PCDHA11: variants seen among roughly 807,000 people sequenced by gnomAD.
PCDHA11 encodes the protein protocadherin alpha-11.
A neutral mutation model predicts 70.3 loss-of-function variants in PCDHA11; 61 were observed. The ratio of observed to expected loss-of-function variants is 0.87; its 90% CI spans 0.71 to 1.07. The LOEUF is 1.07. PCDHA11 is among the 50% of genes least tolerant of loss of function. The pLI is 0.00. For synonymous variants in PCDHA11, 633 were observed against 555.1 expected (o/e 1.14, Z -1.97); for missense variants, 1,324 against 1,237.5 (o/e 1.07, Z -1.05).
At chr5:140,928,143 C>T (rs983552748) in intron 1 of PCDHA11, 2 of 1,614,228 alleles carry the variant, frequency 1.2e-6, no homozygotes, top group Middle Eastern at 1.6e-4. Context: ...TGATCACGGC[C>T]TCAGATAGTG....
chr5:141,008,430 GC>G (rs1252417058), intron 3 of PCDHA11, among the ~76,000 whole-genome samples: 2 of 152,260 alleles, frequency 1.3e-5, no homozygotes, highest in African/African-American at 4.8e-5. Context: ...GGATCACTTT[GC>G]CCAGACAGAC....
At chr5:140,874,757 C>T (rs984706003) in intron 1 of PCDHA11, among the ~76,000 whole-genome samples, 6 of 152,190 alleles carry the variant, frequency 3.9e-5, no homozygotes, top group Non-Finnish European at 8.8e-5. Context: ...CAAACAATAA[C>T]GCTCTCCATA....
intron 1 of PCDHA11, among the ~76,000 whole-genome samples, chr5:140,922,406 G>C (rs1411149387): frequency 9.8e-5 from 15 of 152,288 alleles, no homozygotes; most frequent in African/African-American, 3.6e-4. Flanking sequence ...GGATTAAAAA[G>C]ATCTAGGTAC....
intron 1 of PCDHA11, among the ~76,000 whole-genome samples, chr5:140,878,373 T>G (rs944129613): frequency 2.2e-4 from 34 of 152,258 alleles, no homozygotes; most frequent in African/African-American, 8.0e-4. Flanking sequence ...TGACATATGA[T>G]GAATGATTTT....
At chr5:140,973,980 A>G (rs1554235707) in intron 1 of PCDHA11, among the ~76,000 whole-genome samples, 1 of 152,248 alleles carries the variant, frequency 6.6e-6, no homozygotes, top group African/African-American at 2.4e-5. Flanking sequence ...TGGCTTTTAC[A>G]GAACTTCACC....
rs1464705038 is a variant in PCDHA11 at position 140,883,214 on chromosome 5, T to C, written c.2391+11720T>C. 4.3e-6 allele frequency: 7 copies of C among 1,613,892 alleles called. No individual in the cohort carries two copies. The highest frequency in any genetic ancestry group is 5.9e-6 in the Non-Finnish European group (7 of 1,180,024). The stretch of plus-strand genomic sequence containing the variant: ...ACTAGATTTCGAAGAAAAGAAATTA[T>C]ATGAAATATCCGTGGAGGCAGTTGA... On this transcript the variant is annotated intron_variant, in intron 1 of 3. Coordinates refer to ENST00000398640, the MANE Select transcript of PCDHA11 (RefSeq NM_018902.5).
intron 1 of PCDHA11, chr5:140,875,490 A>G: frequency 6.2e-7 from 1 of 1,612,864 alleles, no homozygotes; most frequent in Non-Finnish European, 8.5e-7. Context: ...TTATCGGACC[A>G]AGAGGCCCGG....
At chr5:140,927,054 C>CT in intron 1 of PCDHA11, 1 of 1,611,076 alleles carries the variant, frequency 6.2e-7, no homozygotes, top group African/African-American at 1.3e-5. Context: ...CCTCGCGGAA[C>CT]TTTCGCTTCC....
In PCDHA11 at chr5:140,875,591, A is replaced by G. The variant is rs1438500941; in HGVS notation, c.2391+4097A>G. ...CACTACTCCGTCTACGAGGAGGCCAAACACGGCACCTTCGTGGGCCGCATC... is the reference window on the plus strand; with the variant it reads ...CACTACTCCGTCTACGAGGAGGCCAGACACGGCACCTTCGTGGGCCGCATC... On this transcript the variant is annotated intron_variant, in intron 1 of 3. Coordinates refer to ENST00000398640, the MANE Select transcript of PCDHA11 (RefSeq NM_018902.5). The G allele has an allele frequency of 9.3e-6, 15 of 1,613,878 alleles. No homozygotes were observed. The highest frequency in any genetic ancestry group is 1.7e-5 in the Admixed American group (1 of 60,004).
At chr5:140,872,957 C>T (rs2054004795) in intron 1 of PCDHA11, among the ~76,000 whole-genome samples, 1 of 152,138 alleles carries the variant, frequency 6.6e-6, no homozygotes, top group African/African-American at 2.4e-5. Flanking sequence ...CACGTAGTAT[C>T]ATCCCATCTG....
chr5:140,980,575 A>C (rs901433332), intron 2 of PCDHA11, among the ~76,000 whole-genome samples: 3 of 152,296 alleles, frequency 2.0e-5, no homozygotes, highest in Admixed American at 1.3e-4. Context: ...AGTTGCAGTG[A>C]GCCAAGATCG....
In PCDHA11 at chr5:141,005,701, CAAAAAAAA is replaced by C. The variant is rs59860837; in HGVS notation, c.2540-3903_2540-3896del. Among the ~76,000 whole-genome samples, 45 of 7,788 alleles carry C rather than the reference CAAAAAAAA, an allele frequency of 5.8e-3. No individual in the cohort carries two copies. In the East Asian group the frequency reaches 0.064, roughly 11 times the overall value. 5.1% of individuals were successfully genotyped at this position (7,788 alleles called of 152,430 possible). A position where few individuals can be genotyped will look rare whatever the true frequency, so the allele number is the denominator to read the frequency against. On this transcript the variant is annotated intron_variant, in intron 3 of 3. Coordinates refer to ENST00000398640, the MANE Select transcript of PCDHA11 (RefSeq NM_018902.5). ...TGGGCGACAGAGCGAAACTCCGTCT[CAAAAAAAA>C]AAAAAAAAAAAAAAAAAAAAAAGAA...
intron 1 of PCDHA11, among the ~76,000 whole-genome samples, chr5:140,905,837 G>A (rs1433117944): frequency 1.3e-5 from 2 of 152,148 alleles, no homozygotes; most frequent in African/African-American, 2.4e-5. Context: ...ATAAAGGGGA[G>A]TTTATTAAGG....
intron 3 of PCDHA11, among the ~76,000 whole-genome samples, chr5:141,004,757 A>T (rs964370551): frequency 3.9e-5 from 6 of 152,164 alleles, no homozygotes; most frequent in African/African-American, 1.4e-4. Flanking sequence ...TCTCTTAGAG[A>T]CAGGACCTGT....
At position 140,918,978 on chromosome 5, in the gene PCDHA11, G is replaced by C. The variant is rs1363137172; in HGVS notation, c.2391+47484G>C. On this transcript the variant is annotated intron_variant, in intron 1 of 3. Transcript: ENST00000398640. Reference sequence around the variant, plus strand: ...ACTAAGACAGATATCGTTTAGGTTAGTTGGTTTTTAGTGTTGTTCACATCT... The same window carrying C: ...ACTAAGACAGATATCGTTTAGGTTACTTGGTTTTTAGTGTTGTTCACATCT... Among the ~76,000 whole-genome samples, 5 of 152,204 alleles carry C rather than the reference G, an allele frequency of 3.3e-5. No homozygotes were observed. In the South Asian group the frequency reaches 8.3e-4, roughly 25 times the overall value.
At chr5:140,911,037 C>A (rs1432446373) in intron 1 of PCDHA11, among the ~76,000 whole-genome samples, 3 of 152,012 alleles carry the variant, frequency 2.0e-5, no homozygotes, top group Non-Finnish European at 4.4e-5. Context: ...GGTCTAGAAG[C>A]AAACAGGGGT....
chr5:140,908,155 G>A (rs559304647), intron 1 of PCDHA11, among the ~76,000 whole-genome samples: 3 of 152,312 alleles, frequency 2.0e-5, no homozygotes, highest in East Asian at 3.9e-4. Flanking sequence ...TCCTAGGAAG[G>A]GGCTGTAGTG....
intron 1 of PCDHA11, among the ~76,000 whole-genome samples, chr5:140,913,340 C>G (rs1276320319): frequency 6.6e-6 from 1 of 152,024 alleles, no homozygotes; most frequent in African/African-American, 2.4e-5. Context: ...GGAATTTATC[C>G]ATTTCCTCTA....
chr5:140,929,082 G>A, intron 1 of PCDHA11: 2 of 1,614,216 alleles, frequency 1.2e-6, no homozygotes, highest in South Asian at 1.1e-5. Flanking sequence ...ATGGAAGTAA[G>A]ATGGTTTCAA....
Sources: allele counts gnomAD v4.1 joint callset (sites outside exome capture counted in the v4.1 genomes callset), GRCh38; gene constraint gnomAD v4.1.1; transcripts MANE v1.5; gene names NCBI Gene and HGNC (gene_info 2026-07-23, HGNC 2026-07-21).